The following MYO5B variants were observed in gnomAD, a reference collection of about 807,000 sequenced individuals.
The protein encoded by MYO5B is unconventional myosin-Vb.
A neutral mutation model predicts 229.3 loss-of-function variants in MYO5B; 143 were observed. The ratio of observed to expected loss-of-function variants is 0.62; its 90% confidence interval spans 0.54 to 0.72. The LOEUF is 0.72. MYO5B is among the 30% of genes least tolerant of loss of function. MYO5B has a pLI of 0.00. For missense variants in MYO5B, 2,321 were observed against 2,331.0 expected, an observed-to-expected ratio of 1.00 and a Z score of 0.09; for synonymous variants, 918 against 885.2, an observed-to-expected ratio of 1.04 and a Z score of -0.66.
At chr18:50,087,255 A>G (rs1401584047) in intron 1 of MYO5B, among the ~76,000 whole-genome samples, 1 of 152,200 alleles carries the variant, frequency 6.6e-6, no homozygotes, top group Non-Finnish European at 1.5e-5. Flanking sequence ...TACCCTGGAT[A>G]AAACATCTTA....
In MYO5B at chr18:50,040,138, C is replaced by A. The variant is rs2029968848; in HGVS notation, c.310+5G>T. On this transcript the variant is annotated splice_donor_5th_base_variant and intron_variant, in intron 3 of 39. Transcript: ENST00000285039. ...GCATGCAGCCAACAGATGCCCCCCA[C>A]TTACCACAGTAAGTGTAGATATGGT... is the stretch of plus-strand genomic sequence containing the variant. The A allele has an allele frequency of 1.9e-6, 3 of 1,614,152 alleles. No homozygotes were observed. In the East Asian group the frequency reaches 6.7e-5, roughly 36 times the overall value.
At chr18:49,897,497 G>A (rs1233698209) in intron 21 of MYO5B, among the ~76,000 whole-genome samples, 2 of 151,614 alleles carry the variant, frequency 1.3e-5, no homozygotes, top group African/African-American at 4.8e-5. Context: ...ATATGTATGG[G>A]GTATATAAAA....
At chr18:50,054,228 C>T (rs2030482359) in intron 2 of MYO5B, among the ~76,000 whole-genome samples, 1 of 152,140 alleles carries the variant, frequency 6.6e-6, no homozygotes, top group Non-Finnish European at 1.5e-5. Context: ...CCCAAAACCC[C>T]CTCTCCTCAA....
At chr18:49,977,812 C>T (rs2025768459) in intron 9 of MYO5B, among the ~76,000 whole-genome samples, 1 of 152,250 alleles carries the variant, frequency 6.6e-6, no homozygotes, top group Admixed American at 6.5e-5. Flanking sequence ...CAAAGACTCT[C>T]TCAACCACGA....
chr18:49,977,110 C>A (rs144957042), intron 9 of MYO5B, among the ~76,000 whole-genome samples: 1 of 152,160 alleles, frequency 6.6e-6, no homozygotes, highest in African/African-American at 2.4e-5. Context: ...AGAAACCACC[C>A]TGGGGACCGG....
At chr18:50,025,059 G>A (rs1444453301) in intron 4 of MYO5B, among the ~76,000 whole-genome samples, 2 of 152,172 alleles carry the variant, frequency 1.3e-5, no homozygotes, top group East Asian at 3.8e-4. Flanking sequence ...GTTATGTGGT[G>A]CCTACTGTCC....
At chr18:50,069,132 T>C (rs2030892417) in intron 1 of MYO5B, among the ~76,000 whole-genome samples, 1 of 151,962 alleles carries the variant, frequency 6.6e-6, no homozygotes, top group Non-Finnish European at 1.5e-5. Context: ...CTGTCCTGGG[T>C]GCAAGTAGGA....
At chr18:49,934,141 A>C (rs965308600) in intron 16 of MYO5B, among the ~76,000 whole-genome samples, 2 of 152,326 alleles carry the variant, frequency 1.3e-5, no homozygotes, top group African/African-American at 4.8e-5. Flanking sequence ...CTCTCAAAGC[A>C]CTGCCATTAC....
At chr18:49,900,114 T>G (rs891587898) in intron 21 of MYO5B, among the ~76,000 whole-genome samples, 11 of 152,160 alleles carry the variant, frequency 7.2e-5, no homozygotes, top group African/African-American at 2.7e-4. Flanking sequence ...CCCAGCAGGG[T>G]GCAGCGGTCA....
chr18:50,106,081 C>T (rs565646976), intron 1 of MYO5B, among the ~76,000 whole-genome samples: 2 of 152,246 alleles, frequency 1.3e-5, no homozygotes, highest in South Asian at 4.1e-4. Context: ...CCTTCCCTGC[C>T]TCAGAGAGTG....
At chr18:50,125,802 T>C (rs1342480111) in intron 1 of MYO5B, among the ~76,000 whole-genome samples, 3 of 152,198 alleles carry the variant, frequency 2.0e-5, no homozygotes, top group African/African-American at 2.4e-5. Context: ...AGACTATCCA[T>C]ACAATTCATT....
At position 49,893,553 on chromosome 18, in the gene MYO5B, C is replaced by A. The variant is rs146708635; in HGVS notation, c.3045+1388G>T. ...CACTTCATGTCTCATGGTGGGCAGGCTGGCAGGTGACTTATCTGGGCAGAG... is the reference window on the plus strand; with the variant it reads ...CACTTCATGTCTCATGGTGGGCAGGATGGCAGGTGACTTATCTGGGCAGAG... On this transcript the variant is annotated intron_variant, in intron 22 of 39. Transcript: ENST00000285039. 3.1e-3 allele frequency among the ~76,000 whole-genome samples: 476 copies of A among 152,326 alleles called. 5 individuals are homozygous for A. The highest frequency in any genetic ancestry group is 0.011 in the African/African-American group (456 of 41,572).
intron 1 of MYO5B, among the ~76,000 whole-genome samples, chr18:50,150,314 C>T (rs1313818857): frequency 6.9e-6 from 1 of 145,326 alleles, no homozygotes; most frequent in Admixed American, 6.8e-5. Flanking sequence ...ACCTTTTGAC[C>T]CAGCCATCCC....
chr18:49,936,386 C>T, intron 15 of MYO5B, 37 bp from the exon 16 acceptor site: 1 of 1,464,180 alleles, frequency 6.8e-7, no homozygotes, highest in Non-Finnish European at 9.4e-7. Context: ...TTAGTTTTAA[C>T]AAGTCGTGGA....
chr18:50,146,549 C>T (rs1408870954), intron 1 of MYO5B, among the ~76,000 whole-genome samples: 1 of 152,196 alleles, frequency 6.6e-6, no homozygotes, highest in African/African-American at 2.4e-5. Context: ...AAGGGCTGTG[C>T]TCTTGACCCT....
At chr18:49,904,953 G>A in intron 19 of MYO5B, 125 bp from the exon 20 acceptor site, 2 of 1,132,058 alleles carry the variant, frequency 1.8e-6, no homozygotes, top group Non-Finnish European at 2.6e-6. Flanking sequence ...ACACCCAGGG[G>A]AAACCAACTC....
chr18:49,833,626 A>G (rs896586562), intron 39 of MYO5B, among the ~76,000 whole-genome samples: 5 of 152,362 alleles, frequency 3.3e-5, no homozygotes, highest in Non-Finnish European at 7.3e-5. Flanking sequence ...GAATTCTCAT[A>G]AACAGTGGGG....
chr18:50,002,425 G>A (rs79322731), intron 4 of MYO5B, among the ~76,000 whole-genome samples: 4,127 of 152,164 alleles, frequency 0.027, 181 homozygotes, highest in African/African-American at 0.094. Context: ...GACAAGCAAC[G>A]GAAAGAACAG....
intron 39 of MYO5B, 143 bp downstream of exon 39, chr18:49,835,201 T>C: frequency 3.0e-6 from 2 of 662,804 alleles, no homozygotes; most frequent in South Asian, 3.6e-5. Flanking sequence ...TTTACCTAAG[T>C]AGAAAGTCTA....
Sources: allele counts gnomAD v4.1 joint callset (sites outside exome capture counted in the v4.1 genomes callset), GRCh38; gene constraint gnomAD v4.1.1; transcripts MANE v1.5; gene names NCBI Gene and HGNC (gene_info 2026-07-23, HGNC 2026-07-21).